DAB1: variants seen among roughly 807,000 people sequenced by gnomAD.
DAB1 encodes the protein DAB adaptor protein 1.
Under a neutral mutation model 64.6 loss-of-function variants are expected in DAB1, and 15 were observed. The ratio of observed to expected loss-of-function variants is 0.23; its 90% CI spans 0.16 to 0.36. The LOEUF (loss-of-function observed/expected upper bound fraction) is 0.36, where lower values mean the gene tolerates loss of function less well. DAB1 is among the 10% of genes least tolerant of loss of function. DAB1 has a pLI of 1.00. For missense variants in DAB1, 596 were observed against 706.7 expected (o/e 0.84, Z 1.78); for synonymous variants, 235 against 251.9 (o/e 0.93, Z 0.64).
intron 7 of DAB1, among the ~76,000 whole-genome samples, chr1:57,642,958 A>G (rs1646148023): frequency 6.6e-6 from 1 of 152,196 alleles, no homozygotes; most frequent in Middle Eastern, 3.2e-3. Flanking sequence ...ATGCTGGACT[A>G]CGGCACTTGT....
At chr1:57,259,796 G>A (rs1359256863) in intron 2 of DAB1, among the ~76,000 whole-genome samples, 1 of 152,122 alleles carries the variant, frequency 6.6e-6, no homozygotes, top group African/African-American at 2.4e-5. Flanking sequence ...CCCTGACATG[G>A]GTACTGAATG....
chr1:57,354,536 G>C (rs12741031), intron 1 of DAB1, among the ~76,000 whole-genome samples: 3,234 of 152,180 alleles, frequency 0.021, 44 homozygotes, highest in South Asian at 0.052. Context: ...GGTTGAGGGT[G>C]GGGGGTTAGG....
In DAB1 at chr1:58,424,772, A is replaced by G. The variant is rs376870210; in HGVS notation, n.257+81288T>C. On this transcript the variant is annotated intron_variant and non_coding_transcript_variant, in intron 3 of 20. Transcript: ENST00000485760. ...GACAGAGAGTGAGGAGGGATCAAGAAGCATTTAAAAAATAAAATAATAGGG... is the reference window on the plus strand; with the variant it reads ...GACAGAGAGTGAGGAGGGATCAAGAGGCATTTAAAAAATAAAATAATAGGG... 4.1e-4 allele frequency among the ~76,000 whole-genome samples: 63 copies of G among 152,324 alleles called. 1 individual carries two copies. Among genetic ancestry groups the G allele is most frequent in the Middle Eastern group, 6.8e-3 (2 of 294 alleles).
intron 4 of DAB1, among the ~76,000 whole-genome samples, chr1:58,252,803 A>G (rs570826268): frequency 4.6e-4 from 70 of 152,266 alleles, no homozygotes; most frequent in African/African-American, 1.5e-3. Context: ...AATGACCCCA[A>G]CCCTAATGGT....
At chr1:57,170,172 C>T (rs1460827337) in intron 2 of DAB1, among the ~76,000 whole-genome samples, 4 of 151,746 alleles carry the variant, frequency 2.6e-5, no homozygotes, top group Non-Finnish European at 4.4e-5. Context: ...AATTTTTTCA[C>T]ATTTTTGGTA....
intron 6 of DAB1, among the ~76,000 whole-genome samples, chr1:57,687,581 G>A (rs1192604029): frequency 1.5e-4 from 9 of 59,592 alleles, no homozygotes; most frequent in East Asian, 8.2e-4. Flanking sequence ...CCTGAATATC[G>A]AAAGTAATCT....
intron 7 of DAB1, among the ~76,000 whole-genome samples, chr1:57,527,453 A>G (rs1644606447): frequency 1.3e-5 from 2 of 152,162 alleles, no homozygotes; most frequent in Admixed American, 1.3e-4. Flanking sequence ...GGCAACAGCA[A>G]CTGAAGTTTA....
intron 2 of DAB1, among the ~76,000 whole-genome samples, chr1:57,197,346 A>AG (rs1664710701): frequency 7.7e-6 from 1 of 130,702 alleles, no homozygotes. Flanking sequence ...TTCATCTCAA[A>AG]AAAAAAAAAA....
intron 1 of DAB1, among the ~76,000 whole-genome samples, chr1:57,840,310 T>C (rs768444323): frequency 5.1e-4 from 78 of 152,132 alleles, no homozygotes; most frequent in Non-Finnish European, 9.9e-4. Flanking sequence ...TAAAAGGATA[T>C]AGAAAAAGTA....
rs1039250752 is a variant in DAB1, at chr1:57,605,852, C to T, written n.625+43740G>A. On this transcript the variant is annotated intron_variant and non_coding_transcript_variant, in intron 7 of 20. Transcript: ENST00000485760. ...AATTTATTAAGACAGTTGACTTAAG[C>T]ATCTGCAACGGTGACTTCCACTTCA... The T allele has an allele frequency of 6.9e-6, 4 of 577,196 alleles. No individual in the cohort carries two copies. The African/African-American group carries it at 7.5e-5, about 11-fold the overall frequency. 35.8% of individuals were successfully genotyped at this position (577,196 alleles called of 1,614,324 possible). A position where few individuals can be genotyped will look rare whatever the true frequency, so the allele number is the denominator to read the frequency against.
intron 3 of DAB1, among the ~76,000 whole-genome samples, chr1:58,440,659 T>C (rs1644997881): frequency 6.6e-6 from 1 of 152,246 alleles, no homozygotes; most frequent in African/African-American, 2.4e-5. Context: ...ATCAGACACA[T>C]AGCTAATATT....
chr1:57,181,780 C>A (rs1463645478), intron 2 of DAB1, among the ~76,000 whole-genome samples: 1 of 152,138 alleles, frequency 6.6e-6, no homozygotes, highest in Non-Finnish European at 1.5e-5. Flanking sequence ...CCAGCTAAGC[C>A]CCTTCCTAGC....
chr1:57,773,878 T>C (rs2101833650), intron 6 of DAB1, among the ~76,000 whole-genome samples: 1 of 152,228 alleles, frequency 6.6e-6, no homozygotes. Context: ...ACATCAATTC[T>C]ATTATGCGTT....
intron 5 of DAB1, among the ~76,000 whole-genome samples, chr1:57,894,941 C>A (rs1317118138): frequency 6.6e-6 from 1 of 152,066 alleles, no homozygotes; most frequent in Non-Finnish European, 1.5e-5. Flanking sequence ...TTGGTCTGAG[C>A]AAATTGTAGC....
At chr1:57,510,633 C>G (rs968296076) in intron 7 of DAB1, among the ~76,000 whole-genome samples, 5 of 152,190 alleles carry the variant, frequency 3.3e-5, no homozygotes, top group African/African-American at 1.2e-4. Context: ...CTCTCCCACT[C>G]TTTCTCATCT....
chr1:58,300,763 G>A (rs1662152623), intron 4 of DAB1, among the ~76,000 whole-genome samples: 2 of 151,912 alleles, frequency 1.3e-5, no homozygotes, highest in African/African-American at 2.4e-5. Flanking sequence ...CTTCCTTGGG[G>A]TCACTGAGAT....
chr1:58,103,597 T>TG (rs1181997145), intron 5 of DAB1, among the ~76,000 whole-genome samples: 1 of 152,236 alleles, frequency 6.6e-6, no homozygotes, highest in Non-Finnish European at 1.5e-5. Context: ...TTACTGATCT[T>TG]GTCACCATTT....
At chr1:57,634,786 G>A (rs185731671) in intron 7 of DAB1, among the ~76,000 whole-genome samples, 3 of 152,196 alleles carry the variant, frequency 2.0e-5, no homozygotes, top group African/African-American at 7.2e-5. Context: ...AGGAGGAAAA[G>A]AGGAATAAAC....
chr1:58,468,727 G>C (rs1190080094), intron 3 of DAB1: 1 of 152,310 alleles, frequency 6.6e-6, no homozygotes. Context: ...TTCTAAGAAA[G>C]TTTTGGCCAG....
Sources: allele counts gnomAD v4.1 joint callset (sites outside exome capture counted in the v4.1 genomes callset), GRCh38; gene constraint gnomAD v4.1.1; transcripts MANE v1.5; gene names NCBI Gene and HGNC (gene_info 2026-07-23, HGNC 2026-07-21).